The following RSF1 variants were observed in gnomAD, a reference collection of about 807,000 sequenced individuals.
RSF1 encodes the protein remodeling and spacing factor 1.
In RSF1, 13 loss-of-function variants were observed where a neutral mutation model predicts 145.2. The ratio of observed to expected loss-of-function variants is 0.09; its 90% confidence interval spans 0.06 to 0.14. RSF1 has a LOEUF of 0.14. Ranked by LOEUF, RSF1 falls within the 10% of genes least tolerant of loss-of-function variation. The pLI, the probability that RSF1 is intolerant of heterozygous loss-of-function variation, is 1.00. For missense variants in RSF1, 1,517 were observed against 1,718.2 expected (o/e 0.88, Z 2.07); for synonymous variants, 577 against 592.6 (o/e 0.97, Z 0.38).
At chr11:77,721,776 A>T (rs1329682274) in intron 5 of RSF1, among the ~76,000 whole-genome samples, 1 of 152,224 alleles carries the variant, frequency 6.6e-6, no homozygotes, top group African/African-American at 2.4e-5. Flanking sequence ...ATATGCCTAA[A>T]ATCATGCTTA....
the RSF1 span, among the ~76,000 whole-genome samples, chr11:77,839,012 G>A: frequency 6.6e-6 from 1 of 152,136 alleles, no homozygotes; most frequent in Non-Finnish European, 1.5e-5. Context: ...TATTTGCTGA[G>A]TCATTGTTAC....
In RSF1 at chr11:77,664,790, A is replaced by G. The variant is rs1385277604; in HGVS notation, c.*2127T>C. On this transcript the variant is annotated 3_prime_UTR_variant, in exon 16 of 16. Coordinates refer to ENST00000308488, the MANE Select transcript of RSF1 (RefSeq NM_016578.4). ...TAATTCTTAGCTGACTTGCAAATAAATAAAACAAACCTAGCTGGAAAGGAG... is the reference window on the plus strand; with the variant it reads ...TAATTCTTAGCTGACTTGCAAATAAGTAAAACAAACCTAGCTGGAAAGGAG... The G allele has an allele frequency of 6.6e-6, 1 of 152,242 alleles. No individual in the cohort carries two copies. The highest frequency in any genetic ancestry group is 1.5e-5 in the Non-Finnish European group (1 of 68,048). 9.4% of individuals were successfully genotyped at this position (152,242 alleles called of 1,614,324 possible).
At chr11:77,852,764 T>G in the RSF1 span, among the ~76,000 whole-genome samples, 1 of 152,160 alleles carries the variant, frequency 6.6e-6, no homozygotes, top group African/African-American at 2.4e-5. Context: ...ATAATTTTTT[T>G]TCTTTTTTTC....
chr11:77,853,979 C>A, the RSF1 span, among the ~76,000 whole-genome samples: 1 of 136,666 alleles, frequency 7.3e-6, no homozygotes, highest in African/African-American at 2.7e-5. Flanking sequence ...GCCTTCCCAA[C>A]AGTCCTCCAA....
the RSF1 span, among the ~76,000 whole-genome samples, chr11:77,868,472 C>T: frequency 6.6e-6 from 1 of 151,210 alleles, no homozygotes; most frequent in African/African-American, 2.4e-5. Context: ...GATTCTCCTG[C>T]CTCAGCCTCC....
intron 2 of RSF1, among the ~76,000 whole-genome samples, chr11:77,749,242 G>A (rs758843484): frequency 1.1e-4 from 16 of 152,122 alleles, no homozygotes; most frequent in Non-Finnish European, 1.9e-4. Flanking sequence ...GATGATGGTT[G>A]TATATTCCCT....
intron 1 of RSF1, among the ~76,000 whole-genome samples, chr11:77,810,749 A>G (rs890953303): frequency 2.0e-5 from 3 of 152,124 alleles, no homozygotes; most frequent in African/African-American, 7.2e-5. Flanking sequence ...AATAGAGACC[A>G]GGTTTCACCA....
the RSF1 span, among the ~76,000 whole-genome samples, chr11:77,864,734 G>A: frequency 1.3e-5 from 2 of 152,140 alleles, no homozygotes; most frequent in Non-Finnish European, 2.9e-5. Context: ...ATCTCAACAC[G>A]TTGGGAGACC....
chr11:77,826,159 C>A, the RSF1 span, among the ~76,000 whole-genome samples: 1 of 151,960 alleles, frequency 6.6e-6, no homozygotes, highest in Admixed American at 6.6e-5. Context: ...GGTGGGAGTT[C>A]AAGACCAGCC....
chr11:77,850,532 G>A, the RSF1 span: 3 of 152,046 alleles, frequency 2.0e-5, no homozygotes, highest in Non-Finnish European at 4.4e-5. Context: ...ACTGAAAGGG[G>A]TCAAGAATGA....
At chr11:77,737,911 C>T (rs1000920539) in intron 4 of RSF1, among the ~76,000 whole-genome samples, 4 of 152,154 alleles carry the variant, frequency 2.6e-5, no homozygotes, top group Non-Finnish European at 5.9e-5. Flanking sequence ...GGGCAGATCA[C>T]GAGGTCAGGA....
intron 1 of RSF1, among the ~76,000 whole-genome samples, chr11:77,812,710 A>G (rs1441301683): frequency 2.0e-5 from 3 of 152,090 alleles, no homozygotes; most frequent in African/African-American, 7.2e-5. Context: ...CAACATGGCG[A>G]AACCCCATCT....
intron 5 of RSF1, among the ~76,000 whole-genome samples, chr11:77,719,341 T>G (rs964000651): frequency 6.6e-6 from 1 of 152,178 alleles, no homozygotes; most frequent in Non-Finnish European, 1.5e-5. Context: ...TATTCCAAAA[T>G]TGATAAAGAC....
rs1445538459 is a variant in RSF1 at position 77,663,809 on chromosome 11, C to T, written c.*3108G>A. On this transcript the variant is annotated 3_prime_UTR_variant, in exon 16 of 16. Transcript: ENST00000308488. Reference sequence around the variant, plus strand: ...TGTGAAAAGCTGACTAGTTTTCAAACCTTTTCAGAAATTGCAAACTAAATA... The same window carrying T: ...TGTGAAAAGCTGACTAGTTTTCAAATCTTTTCAGAAATTGCAAACTAAATA... 2 of 152,178 alleles carry T rather than the reference C, an allele frequency of 1.3e-5. No individual in the cohort carries two copies. Among genetic ancestry groups the T allele is most frequent in the Non-Finnish European group, 2.9e-5 (2 of 68,028 alleles). 9.4% of individuals were successfully genotyped at this position (152,178 alleles called of 1,614,324 possible).
At chr11:77,840,645 G>A in the RSF1 span, among the ~76,000 whole-genome samples, 1 of 152,322 alleles carries the variant, frequency 6.6e-6, no homozygotes, top group East Asian at 1.9e-4. Flanking sequence ...CTGGCCTCAA[G>A]TGAAATTCCC....
chr11:77,756,930 T>C (rs1948122028), intron 2 of RSF1, among the ~76,000 whole-genome samples: 1 of 152,040 alleles, frequency 6.6e-6, no homozygotes, highest in Non-Finnish European at 1.5e-5. Context: ...AACAAATAAT[T>C]ATCAGGGGAA....
the RSF1 span, among the ~76,000 whole-genome samples, chr11:77,858,871 G>A: frequency 2.6e-5 from 4 of 152,164 alleles, no homozygotes; most frequent in East Asian, 1.9e-4. Context: ...TTACAGCTTC[G>A]ATTCTGGAAG....
the RSF1 span, chr11:77,868,751 C>A: frequency 4.3e-6 from 1 of 233,618 alleles, no homozygotes; most frequent in South Asian, 8.1e-5. Context: ...TCCAGCAACT[C>A]AGGCTCCTTC....
At chr11:77,867,519 C>A in the RSF1 span, among the ~76,000 whole-genome samples, 2 of 152,164 alleles carry the variant, frequency 1.3e-5, no homozygotes, top group Non-Finnish European at 2.9e-5. Flanking sequence ...ATTGCTACTG[C>A]TTAGAAATAC....
Sources: gnomAD v4.1 joint callset for allele counts (sites outside exome capture counted in the v4.1 genomes callset) on GRCh38, gnomAD v4.1.1 for gene constraint, MANE v1.5 for transcripts, NCBI Gene and HGNC (gene_info 2026-07-23, HGNC 2026-07-21) for gene names.